Variants in GPM6B observed in about 807,000 individuals in gnomAD.
GPM6B encodes the protein glycoprotein M6B, also known as neuronal membrane glycoprotein M6-b.
GPM6B carries 4 observed loss-of-function variants against 27.2 expected under a neutral mutation model. That is an observed-to-expected ratio of 0.15 (90% CI 0.07 to 0.34). The LOEUF is 0.34. GPM6B is among the 10% of genes least tolerant of loss of function. The pLI is 1.00. For missense variants in GPM6B, 183 were observed against 261.9 expected (o/e 0.70, Z 2.08); for synonymous variants, 124 against 103.1 (o/e 1.20, Z -1.23).
In GPM6B at chrX:13,856,985, CTT is replaced by C. The variant is rs755848446; in HGVS notation, c.-197-71179_-197-71178del. Among the ~76,000 whole-genome samples, 3 of 111,749 alleles carry C rather than the reference CTT, an allele frequency of 2.7e-5. No homozygotes were observed. In the East Asian group the frequency reaches 8.4e-4, roughly 31 times the overall value. ...TGCTTTTTTCAGCTTCTACTCGCCT[CTT>C]ATAATCTGTGGCTTGTGGCCCCTTT... On this transcript the variant is annotated intron_variant, in intron 1 of 6. Transcript: ENST00000398361.
chrX:13,843,551 G>A (rs755399161), intron 1 of GPM6B, among the ~76,000 whole-genome samples: 11 of 111,998 alleles, frequency 9.8e-5, no homozygotes, highest in East Asian at 2.8e-4. Flanking sequence ...ACCATTTTAC[G>A]TTCCCACTAG....
intron 1 of GPM6B, among the ~76,000 whole-genome samples, chrX:13,875,590 T>C (rs2050025066): frequency 8.9e-6 from 1 of 112,174 alleles, no homozygotes; most frequent in African/African-American, 3.2e-5. Context: ...AGGAGCACTC[T>C]TCACAATAGC....
In GPM6B at chrX:13,817,064, C is replaced by A; in HGVS notation, c.-160G>T. 9.6e-7 allele frequency: 1 copy of A among 1,039,972 alleles called. No homozygotes were observed. 85.7% of individuals were successfully genotyped at this position (1,039,972 alleles called of 1,213,427 possible). On this transcript the variant is annotated 5_prime_UTR_variant, in exon 1 of 8. Transcript: ENST00000316715. ...GTAGATTACAGTCCCTTCCAAGATG[C>A]AAAAGTCTTGTCAGCGTCAATTTCG... is the stretch of plus-strand genomic sequence containing the variant.
At chrX:13,794,682 G>T (rs1314294809) in intron 2 of GPM6B, among the ~76,000 whole-genome samples, 1 of 112,062 alleles carries the variant, frequency 8.9e-6, no homozygotes, top group Non-Finnish European at 1.9e-5. Context: ...GCGCTCGCAA[G>T]AAAATAAATT....
intron 2 of GPM6B, among the ~76,000 whole-genome samples, chrX:13,803,165 G>A (rs778473355): frequency 9.0e-6 from 1 of 111,522 alleles, no homozygotes; most frequent in Non-Finnish European, 1.9e-5. Context: ...CAGTGAGAGA[G>A]AAGTCCCAGG....
At chrX:13,834,143 C>A (rs1356341806) in intron 1 of GPM6B, among the ~76,000 whole-genome samples, 1 of 112,746 alleles carries the variant, frequency 8.9e-6, no homozygotes, top group Non-Finnish European at 1.9e-5. Flanking sequence ...AACCATCCAG[C>A]TCATCTTTCC....
intron 7 of GPM6B, chrX:13,774,478 T>C (rs1439153719): frequency 8.3e-7 from 1 of 1,198,463 alleles, no homozygotes; most frequent in Non-Finnish European, 1.1e-6. Context: ...TAGACTCTGC[T>C]TTAGTCTGGA....
rs1197244062 is a variant in GPM6B, at chrX:13,777,339, G to A, written c.771+13C>T. On this transcript the variant is annotated intron_variant, in intron 6 of 7. Transcript: ENST00000316715. ...TAATACTCAAGGGTTATTCTGAACT[G>A]TGATGAGTTTACCTCGTTTGTGTTG... is the stretch of plus-strand genomic sequence containing the variant. The A allele has an allele frequency of 8.6e-7, 1 of 1,160,018 alleles. No individual in the cohort carries two copies. The highest frequency in any genetic ancestry group is 2.2e-5 in the Admixed American group (1 of 46,016).
intron 1 of GPM6B, among the ~76,000 whole-genome samples, chrX:13,860,237 A>G (rs1033773634): frequency 2.7e-5 from 3 of 112,147 alleles, no homozygotes; most frequent in African/African-American, 9.7e-5. Flanking sequence ...CTCCTTTGAG[A>G]TATTTTAGTT....
intron 1 of GPM6B, among the ~76,000 whole-genome samples, chrX:13,851,163 CAAAAAAAAAAAA>C (rs10652819): frequency 1.2e-4 from 7 of 60,212 alleles, no homozygotes; most frequent in Non-Finnish European, 2.1e-4. Context: ...ACTCCATCTC[CAAAAAAAAAAAA>C]AAAAAAAAAG....
At chrX:13,929,619 G>A (rs895428591) in intron 1 of GPM6B, among the ~76,000 whole-genome samples, 3 of 111,593 alleles carry the variant, frequency 2.7e-5, no homozygotes, top group African/African-American at 6.5e-5. Flanking sequence ...TTTAAGTAGT[G>A]GTAATCAATA....
At chrX:13,898,391 T>C (rs771628999) in intron 1 of GPM6B, among the ~76,000 whole-genome samples, 27 of 112,432 alleles carry the variant, frequency 2.4e-4, no homozygotes, top group Non-Finnish European at 4.5e-4. Context: ...GTTTGAGAGC[T>C]AGTTTTAATT....
At position 13,886,719 on chromosome X, in the gene GPM6B, T is replaced by TAAAAAAAAAAAAAAAAAAAAAAAAAA. The variant is rs5901522; in HGVS notation, c.-198+51607_-198+51608insTTTTTTTTTTTTTTTTTTTTTTTTTT. ...ACCTCTCTCTACCTTAAGTCACTAC[T>TAAAAAAAAAAAAAAAAAAAAAAAAAA]AAAAAAAAAAAAAAAAAAAAAAATC... On this transcript the variant is annotated intron_variant, in intron 1 of 6. Coordinates refer to the GPM6B transcript ENST00000398361. 1.4e-4 allele frequency among the ~76,000 whole-genome samples: 5 copies of TAAAAAAAAAAAAAAAAAAAAAAAAAA among 35,095 alleles called. 1 individual carries two copies. The highest frequency in any genetic ancestry group is 9.7e-4 in the African/African-American group (5 of 5,145). 30.5% of individuals were successfully genotyped at this position (35,095 alleles called of 115,157 possible).
chrX:13,822,553 T>C (rs1457019194), intron 1 of GPM6B, among the ~76,000 whole-genome samples: 1 of 108,466 alleles, frequency 9.2e-6, no homozygotes, highest in African/African-American at 3.4e-5. Context: ...TTTTTTGTAT[T>C]TTTAGTAGAG....
intron 3 of GPM6B, 35 bp from the exon 4 acceptor site, chrX:13,783,556 T>A: frequency 1.8e-6 from 2 of 1,119,120 alleles, no homozygotes; most frequent in Non-Finnish European, 2.4e-6. Context: ...AACCATTAAA[T>A]TCACTGCCTG....
chrX:13,842,676 C>T (rs1282561063), intron 1 of GPM6B, among the ~76,000 whole-genome samples: 2 of 110,943 alleles, frequency 1.8e-5, no homozygotes, highest in Non-Finnish European at 3.8e-5. Flanking sequence ...GCCAGGAGTT[C>T]AGGAGCAGCC....
At chrX:13,938,197 T>G in intron 1 of GPM6B, 1 of 216,427 alleles carries the variant, frequency 4.6e-6, no homozygotes, top group Non-Finnish European at 8.4e-6. Flanking sequence ...GGACGCGCCG[T>G]CTGTTCTCTC....
At chrX:13,931,412 C>T (rs1433847937) in intron 1 of GPM6B, among the ~76,000 whole-genome samples, 10 of 108,938 alleles carry the variant, frequency 9.2e-5, no homozygotes, top group East Asian at 5.7e-4. Flanking sequence ...GGCGTGAACC[C>T]AGGAGGCAGA....
chrX:13,827,219 C>T lies in GPM6B; in HGVS notation c.-197-41411G>A, dbSNP rs372434998. ...GCTCCAAGTCCCCTCCTGAAAGGCACGGGCTAAAGTCCATCTCCTTTAGAA... is the reference window on the plus strand; with the variant it reads ...GCTCCAAGTCCCCTCCTGAAAGGCATGGGCTAAAGTCCATCTCCTTTAGAA... On this transcript the variant is annotated intron_variant, in intron 1 of 6. Coordinates refer to the GPM6B transcript ENST00000398361. 4.5e-4 allele frequency among the ~76,000 whole-genome samples: 49 copies of T among 108,424 alleles called. 1 individual carries two copies. The South Asian group carries it at 0.018, about 40-fold the overall frequency. 94.2% of individuals were successfully genotyped at this position (108,424 alleles called of 115,157 possible).
Sources: allele counts gnomAD v4.1 joint callset (sites outside exome capture counted in the v4.1 genomes callset), GRCh38; gene constraint gnomAD v4.1.1; transcripts MANE v1.5; gene names NCBI Gene and HGNC (gene_info 2026-07-23, HGNC 2026-07-21).